RAB7B: variants seen among roughly 807,000 people sequenced by gnomAD.
RAB7B encodes the protein RAB7B, member RAS oncogene family.
intron 4 of RAB7B, among the ~76,000 whole-genome samples, chr1:205,990,386 G>T (rs1660700843): frequency 6.6e-6 from 1 of 152,196 alleles, no homozygotes; most frequent in South Asian, 2.1e-4. Context: ...GGACATGGTG[G>T]ACTGGTGTCT....
At chr1:205,994,717 G>T (rs1209779164) in intron 1 of RAB7B, among the ~76,000 whole-genome samples, 1 of 152,196 alleles carries the variant, frequency 6.6e-6, no homozygotes, top group Non-Finnish European at 1.5e-5. Flanking sequence ...CCTTAAAAAT[G>T]TTCCTGCCCT....
At chr1:205,985,283 C>T (rs1293262075) in intron 5 of RAB7B, among the ~76,000 whole-genome samples, 9 of 152,170 alleles carry the variant, frequency 5.9e-5, no homozygotes, top group African/African-American at 2.2e-4. Context: ...TTAGATACTC[C>T]ACGAGGGATT....
intron 4 of RAB7B, among the ~76,000 whole-genome samples, chr1:205,986,332 C>A: frequency 6.6e-6 from 1 of 152,188 alleles, no homozygotes; most frequent in East Asian, 1.9e-4. Flanking sequence ...TCTCCATGAC[C>A]CTGTGAGATA....
At chr1:205,998,499 T>C (rs1660843330) in intron 1 of RAB7B, among the ~76,000 whole-genome samples, 1 of 152,080 alleles carries the variant, frequency 6.6e-6, no homozygotes, top group Non-Finnish European at 1.5e-5. Context: ...AACAAAACCC[T>C]AGGAGAGTTG....
At position 205,978,799 on chromosome 1, in the gene RAB7B, C is replaced by A. The variant is rs1375596223; in HGVS notation, c.*52G>T. ...TCACCTGTTCTCAAGCCTGGGGTGA[C>A]CAGGCTCGGGGCAGGCTCTGTTTCT... On this transcript the variant is annotated 3_prime_UTR_variant, in exon 6 of 6. Coordinates refer to ENST00000617070, the MANE Select transcript of RAB7B (RefSeq NM_001164522.3). 7.5e-6 allele frequency: 3 copies of A among 398,392 alleles called. No homozygotes were observed. The highest frequency in any genetic ancestry group is 1.3e-5 in the Non-Finnish European group (3 of 226,036). 24.7% of individuals were successfully genotyped at this position (398,392 alleles called of 1,614,324 possible).
At chr1:205,987,137 C>T (rs1660622336) in intron 4 of RAB7B, among the ~76,000 whole-genome samples, 1 of 152,130 alleles carries the variant, frequency 6.6e-6, no homozygotes, top group African/African-American at 2.4e-5. Context: ...TCTCCCCCTC[C>T]TCCCCACCCC....
At chr1:205,994,376 G>A (rs1288314424) in intron 1 of RAB7B, 1 of 321,432 alleles carries the variant, frequency 3.1e-6, no homozygotes, top group Non-Finnish European at 5.6e-6. Context: ...GACTCTCCAG[G>A]ACAGGCAAAT....
rs899176350 is a variant in RAB7B, at chr1:205,999,399, G to C, written c.-17+3854C>G. Among the ~76,000 whole-genome samples, 55 of 152,224 alleles carry C rather than the reference G, an allele frequency of 3.6e-4. No individual in the cohort carries two copies. In the Middle Eastern group the frequency reaches 0.01, roughly 28 times the overall value. On this transcript the variant is annotated intron_variant, in intron 1 of 5. Transcript: ENST00000617070. ...GATACTCAACCTTACTAACTATCAA[G>C]GAAATTAACATTTCAAAATACCATT...
At chr1:206,000,272 G>A (rs1312429775) in intron 1 of RAB7B, among the ~76,000 whole-genome samples, 1 of 152,190 alleles carries the variant, frequency 6.6e-6, no homozygotes, top group East Asian at 1.9e-4. Context: ...TATATGTTTT[G>A]TTTTAAAATT....
intron 4 of RAB7B, among the ~76,000 whole-genome samples, 153 bp from the exon 5 acceptor site, chr1:205,985,818 GCCCACCATC>G (rs1660593605): frequency 4.1e-5 from 6 of 144,732 alleles, no homozygotes; most frequent in East Asian, 2.3e-4. Flanking sequence ...GGCCCACCAG[GCCCACCATC>G]CCCACCAGGC....
chr1:205,992,271 C>T lies in RAB7B; in HGVS notation c.396+209G>A, dbSNP rs978563060. 1.1e-3 allele frequency among the ~76,000 whole-genome samples: 174 copies of T among 152,318 alleles called. No individual in the cohort carries two copies. In the South Asian group the frequency reaches 0.017, roughly 15 times the overall value. ...GTTCCTTAATGCCCAAGGTATATCT[C>T]TATTATTTCATTTACCGTATTGTAC... On this transcript the variant is annotated intron_variant, in intron 4 of 5. Coordinates refer to ENST00000617070, the MANE Select transcript of RAB7B (RefSeq NM_001164522.3).
At chr1:205,979,792 A>C (rs1011140556) in intron 5 of RAB7B, among the ~76,000 whole-genome samples, 5 of 152,160 alleles carry the variant, frequency 3.3e-5, no homozygotes, top group African/African-American at 1.2e-4. Context: ...CATGGACCTG[A>C]GCAGGGGCAG....
At chr1:205,997,278 G>A (rs1271353475) in intron 1 of RAB7B, among the ~76,000 whole-genome samples, 1 of 152,192 alleles carries the variant, frequency 6.6e-6, no homozygotes, top group African/African-American at 2.4e-5. Context: ...GAGTCACCAA[G>A]GAAGAAAGGA....
rs1435761884 is a variant in RAB7B, at chr1:205,978,327, T to G, written c.*524A>C. ...AGGGGGTCTCAGGCACGACAGCTTCTGCCAGGAGCTGAGGCGGGCCCAGCA... is the reference window on the plus strand; with the variant it reads ...AGGGGGTCTCAGGCACGACAGCTTCGGCCAGGAGCTGAGGCGGGCCCAGCA... On this transcript the variant is annotated 3_prime_UTR_variant, in exon 6 of 6. Transcript: ENST00000617070. The G allele has an allele frequency of 1.3e-5, 2 of 152,380 alleles. No individual in the cohort carries two copies. Among genetic ancestry groups the G allele is most frequent in the East Asian group, 3.8e-4 (2 of 5,204 alleles). 9.4% of individuals were successfully genotyped at this position (152,380 alleles called of 1,614,324 possible).
intron 4 of RAB7B, among the ~76,000 whole-genome samples, chr1:205,990,393 G>A: frequency 6.6e-6 from 1 of 152,348 alleles, no homozygotes; most frequent in East Asian, 1.9e-4. Context: ...GTGGACTGGT[G>A]TCTGACACAC....
chr1:205,985,382 G>T (rs2102633567), intron 5 of RAB7B, among the ~76,000 whole-genome samples, 158 bp downstream of exon 5: 1 of 152,118 alleles, frequency 6.6e-6, no homozygotes, highest in East Asian at 1.9e-4. Context: ...GAGCTGGAGT[G>T]CTGTTAAACC....
chr1:206,000,969 G>C (rs1420421124), intron 1 of RAB7B, among the ~76,000 whole-genome samples: 1 of 152,200 alleles, frequency 6.6e-6, no homozygotes, highest in African/African-American at 2.4e-5. Context: ...TTAACTTTGG[G>C]CTCCCACATT....
At chr1:205,985,782 C>CCCCACCAGGCCCACCAGG (rs1660589397) in intron 4 of RAB7B, 117 bp from the exon 5 acceptor site, 3 of 70,868 alleles carry the variant, frequency 4.2e-5, no homozygotes, top group East Asian at 4.9e-4. Context: ...TCCCCATCAT[C>CCCCACCAGGCCCACCAGG]CCCACCAGGC....
chr1:205,997,599 A>G (rs889814700), intron 1 of RAB7B, among the ~76,000 whole-genome samples: 29 of 101,182 alleles, frequency 2.9e-4, no homozygotes, highest in African/African-American at 1.0e-3. Context: ...CTCAGCAAAC[A>G]TTTCCTATAT....
Sources: gnomAD v4.1 joint callset for allele counts (sites outside exome capture counted in the v4.1 genomes callset) on GRCh38, gnomAD v4.1.1 for gene constraint, MANE v1.5 for transcripts, NCBI Gene and HGNC (gene_info 2026-07-23, HGNC 2026-07-21) for gene names.